PTPRN2: variants seen among roughly 807,000 people sequenced by gnomAD.
The protein encoded by PTPRN2 is receptor-type tyrosine-protein phosphatase N2.
In PTPRN2, 74 loss-of-function variants were observed where a neutral mutation model predicts 118.8. That is an observed-to-expected ratio of 0.62 (90% confidence interval 0.52 to 0.76). The LOEUF (loss-of-function observed/expected upper bound fraction) is 0.76. Ranked by LOEUF, PTPRN2 falls within the 30% of genes least tolerant of loss-of-function variation. The pLI, the probability that PTPRN2 is intolerant of heterozygous loss-of-function variation, is 0.00. For missense variants in PTPRN2, 1,481 were observed against 1,394.4 expected, an observed-to-expected ratio of 1.06 and a Z score of -0.99; for synonymous variants, 641 against 608.0, an observed-to-expected ratio of 1.05 and a Z score of -0.80.
intron 19 of PTPRN2, chr7:157,574,513 TGAGAGA>T (rs60406378): frequency 1.1e-4 from 31 of 283,496 alleles, no homozygotes; most frequent in Admixed American, 3.4e-4. Context: ...AGAGTAATAA[TGAGAGA>T]GAGAGAGAGA....
Position 157,562,495 on chromosome 7 carries a change from C to G in PTPRN2, c.2902+6407G>C, listed in dbSNP as rs560569556. Among the ~76,000 whole-genome samples, 5 of 152,342 alleles carry G rather than the reference C, an allele frequency of 3.3e-5. No homozygotes were observed. The East Asian group carries it at 9.6e-4, about 29-fold the overall frequency. ...TACAACTGAAGAGCTGACTTGTAAA[C>G]TTTATCCAATTTTAGTGACTCTAAG... On this transcript the variant is annotated intron_variant, in intron 21 of 22. Coordinates refer to ENST00000389418, the MANE Select transcript of PTPRN2 (RefSeq NM_002847.5).
rs1563272547 is a variant in PTPRN2, at chr7:157,621,255, C to CT, written c.2344+106_2344+107insA. On this transcript the variant is annotated intron_variant, in intron 15 of 22. Coordinates refer to ENST00000389418, the MANE Select transcript of PTPRN2 (RefSeq NM_002847.5). ...ACAGGTCAGCACGGCCAGTTTCCTC[C>CT]GCCCGGAACCCTGGCCTCCTGCCCT... 13,655 of 1,408,256 alleles carry CT rather than the reference C, an allele frequency of 9.7e-3. 32 individuals are homozygous for CT. The highest frequency in any genetic ancestry group is 0.03 in the East Asian group (1,265 of 41,784). The allele number at this position is 1,408,256 out of a possible 1,614,324, so 87.2% of individuals were successfully genotyped here.
intron 11 of PTPRN2, among the ~76,000 whole-genome samples, chr7:158,072,109 C>T (rs1357880005): frequency 7.1e-6 from 1 of 141,292 alleles, no homozygotes; most frequent in Non-Finnish European, 1.6e-5. Context: ...TATGGAGGTG[C>T]TCATGGTGGT....
chr7:157,552,553 G>A (rs1168675150), intron 21 of PTPRN2, among the ~76,000 whole-genome samples: 4 of 152,128 alleles, frequency 2.6e-5, no homozygotes, highest in East Asian at 3.9e-4. Context: ...TCACACCCAC[G>A]TTTAGAGCAC....
At chr7:158,189,272 G>C (rs777897008) in intron 5 of PTPRN2, among the ~76,000 whole-genome samples, 1 of 152,180 alleles carries the variant, frequency 6.6e-6, no homozygotes, top group African/African-American at 2.4e-5. Context: ...TCCATGCTGC[G>C]CCTTGTCCCA....
chr7:158,416,773 C>T (rs758261855), intron 2 of PTPRN2, among the ~76,000 whole-genome samples: 10 of 152,170 alleles, frequency 6.6e-5, no homozygotes, highest in Non-Finnish European at 1.2e-4. Context: ...GGCAACTCAT[C>T]CGCACACAGC....
chr7:157,749,636 C>T (rs1307012570), intron 12 of PTPRN2, among the ~76,000 whole-genome samples: 1 of 139,284 alleles, frequency 7.2e-6, no homozygotes, highest in African/African-American at 2.8e-5. Context: ...TGTCTCTGAG[C>T]TGTGGGGTGT....
rs1187342147 is a variant in PTPRN2, at chr7:158,171,294, CATATATATACACACAT to C, written c.550-4019_550-4004del. Among the ~76,000 whole-genome samples, 64 of 62,162 alleles carry C rather than the reference CATATATATACACACAT, an allele frequency of 1.0e-3. 6 individuals carry two copies. Among genetic ancestry groups the C allele is most frequent in the Middle Eastern group, 0.011 (1 of 92 alleles). The allele number at this position is 62,162 out of a possible 152,430, so 40.8% of individuals were successfully genotyped here. A position where few individuals can be genotyped will look rare whatever the true frequency, so the allele number is the denominator to read the frequency against. ...ATATATACACACATATATATACACA[CATATATATACACACAT>C]ATATATATATATATATATATATATA... is the stretch of plus-strand genomic sequence containing the variant. On this transcript the variant is annotated intron_variant, in intron 5 of 22. Coordinates refer to ENST00000389418, the MANE Select transcript of PTPRN2 (RefSeq NM_002847.5).
intron 2 of PTPRN2, among the ~76,000 whole-genome samples, chr7:158,343,483 G>T (rs980108682): frequency 6.6e-6 from 1 of 152,194 alleles, no homozygotes; most frequent in African/African-American, 2.4e-5. Flanking sequence ...TGATGCAGTC[G>T]CCGTGGAAAG....
At chr7:157,634,375 T>C (rs571687131) in intron 14 of PTPRN2, among the ~76,000 whole-genome samples, 7 of 152,364 alleles carry the variant, frequency 4.6e-5, no homozygotes, top group Non-Finnish European at 7.3e-5. Flanking sequence ...CATTCAGATA[T>C]TGAATGGCAC....
rs113679613 is a variant in PTPRN2 at position 157,633,144 on chromosome 7, CT to C, written c.2197-11636del. ...TCATTTCTTTAGTTTCTTTTCTTTT[CT>C]TTTTTTTTTTTTTGAGACAGAGTCT... On this transcript the variant is annotated intron_variant, in intron 14 of 22. Transcript: ENST00000389418. 5.1e-3 allele frequency among the ~76,000 whole-genome samples: 723 copies of C among 141,950 alleles called. 5 individuals are homozygous for C. The highest frequency in any genetic ancestry group is 0.012 in the African/African-American group (460 of 38,576). The allele number at this position is 141,950 out of a possible 152,430, so 93.1% of individuals were successfully genotyped here.
At chr7:158,307,055 C>T (rs1342093436) in intron 3 of PTPRN2, among the ~76,000 whole-genome samples, 1 of 151,782 alleles carries the variant, frequency 6.6e-6, no homozygotes, top group Non-Finnish European at 1.5e-5. Flanking sequence ...TTAGTAGAGA[C>T]GGGGTTTCAC....
rs770811652 is a variant in PTPRN2, at chr7:158,417,929, A to C, written c.163+71806T>G. 2.8e-3 allele frequency among the ~76,000 whole-genome samples: 312 copies of C among 110,246 alleles called. 5 individuals carry two copies. The highest frequency in any genetic ancestry group is 0.011 in the African/African-American group (293 of 27,576). 72.3% of individuals were successfully genotyped at this position (110,246 alleles called of 152,430 possible). A position where few individuals can be genotyped will look rare whatever the true frequency, so the allele number is the denominator to read the frequency against. ...GAGATGCTCTAGCTCTCCGTGTCCC[A>C]CTGTGTTAAGTCATGGTGTACTACA... On this transcript the variant is annotated intron_variant, in intron 2 of 22. Transcript: ENST00000389418.
At chr7:157,913,043 A>G (rs947568792) in intron 11 of PTPRN2, among the ~76,000 whole-genome samples, 1 of 152,228 alleles carries the variant, frequency 6.6e-6, no homozygotes, top group African/African-American at 2.4e-5. Flanking sequence ...TAATAGCATC[A>G]TTATTCCCAA....
intron 12 of PTPRN2, among the ~76,000 whole-genome samples, chr7:157,830,938 C>T (rs1446174883): frequency 1.3e-5 from 2 of 152,206 alleles, no homozygotes; most frequent in African/African-American, 4.8e-5. Context: ...ACTCCCTTTT[C>T]TGCACCTCAC....
At chr7:157,649,556 C>G (rs1268047004) in intron 14 of PTPRN2, among the ~76,000 whole-genome samples, 5 of 114,994 alleles carry the variant, frequency 4.3e-5, no homozygotes, top group African/African-American at 1.5e-4. Flanking sequence ...TGGGTCGGAC[C>G]CATCCAGCGT....
At chr7:158,558,234 C>T (rs1437832968) in intron 1 of PTPRN2, among the ~76,000 whole-genome samples, 4 of 152,214 alleles carry the variant, frequency 2.6e-5, no homozygotes, top group Non-Finnish European at 2.9e-5. Context: ...AATCCTCCCA[C>T]CTCAGCCTCC....
chr7:158,259,367 G>C (rs1225986666), intron 3 of PTPRN2, among the ~76,000 whole-genome samples: 4 of 152,172 alleles, frequency 2.6e-5, no homozygotes, highest in Admixed American at 2.0e-4. Flanking sequence ...CTTCCGGGCA[G>C]GGCAAGCGGC....
chr7:158,569,600 A>T (rs12530928), intron 1 of PTPRN2, among the ~76,000 whole-genome samples: 23,888 of 128,410 alleles, frequency 0.19, 3,119 homozygotes, highest in East Asian at 0.35. Flanking sequence ...AGCGGCCTCG[A>T]GGGCGCCACT....
Sources: allele counts gnomAD v4.1 joint callset (sites outside exome capture counted in the v4.1 genomes callset), GRCh38; gene constraint gnomAD v4.1.1; transcripts MANE v1.5; gene names NCBI Gene and HGNC (gene_info 2026-07-23, HGNC 2026-07-21).